The following ZBTB20 variants were observed in gnomAD, a reference collection of about 807,000 sequenced individuals.
The protein encoded by ZBTB20 is zinc finger and BTB domain containing 20, also known as zinc finger and BTB domain-containing protein 20.
A neutral mutation model predicts 56.9 loss-of-function variants in ZBTB20; 9 were observed. That is an observed-to-expected ratio of 0.16 (90% CI 0.10 to 0.28). The LOEUF (loss-of-function observed/expected upper bound fraction) is 0.28. ZBTB20 is among the 10% of genes least tolerant of loss of function. The probability of loss-of-function intolerance (pLI) is 1.00; values close to 1 mark genes in which losing one functional copy is unlikely to be tolerated. For missense variants in ZBTB20, 655 were observed against 1,003.0 expected (o/e 0.65, Z 4.69); for synonymous variants, 417 against 420.7 (o/e 0.99, Z 0.11).
intron 1 of ZBTB20, among the ~76,000 whole-genome samples, chr3:115,137,154 T>C (rs367570060): frequency 1.3e-5 from 2 of 152,040 alleles, no homozygotes; most frequent in East Asian, 1.9e-4. Flanking sequence ...AAAGAAAATA[T>C]CAGATATTCT....
chr3:114,389,749 C>T (rs970556287), intron 7 of ZBTB20, among the ~76,000 whole-genome samples: 30 of 151,570 alleles, frequency 2.0e-4, no homozygotes, highest in Admixed American at 1.3e-3. Context: ...ATTAGCCAGG[C>T]GTGATGGCGC....
chr3:114,611,374 C>G (rs538860307), intron 6 of ZBTB20, among the ~76,000 whole-genome samples: 149 of 152,226 alleles, frequency 9.8e-4, no homozygotes, highest in Middle Eastern at 3.4e-3. Flanking sequence ...AACTCACAAA[C>G]GGGAACACAG....
At chr3:114,608,146 TA>T (rs914798095) in intron 6 of ZBTB20, among the ~76,000 whole-genome samples, 39 of 152,172 alleles carry the variant, frequency 2.6e-4, no homozygotes, top group Admixed American at 2.2e-3. Context: ...AAGGATGCTT[TA>T]AAAAAACAAA....
intron 10 of ZBTB20, among the ~76,000 whole-genome samples, chr3:114,352,422 T>A (rs1029882399): frequency 1.3e-5 from 2 of 152,180 alleles, no homozygotes; most frequent in Non-Finnish European, 1.5e-5. Flanking sequence ...TCCTATTAAG[T>A]CATATGGCAT....
chr3:114,475,606 A>G (rs1016231704), intron 7 of ZBTB20, among the ~76,000 whole-genome samples: 3 of 152,230 alleles, frequency 2.0e-5, no homozygotes, highest in Non-Finnish European at 4.4e-5. Context: ...AGACTTGCAC[A>G]ACAGAAAGTA....
chr3:114,545,769 A>G (rs576775335), intron 6 of ZBTB20, among the ~76,000 whole-genome samples: 41 of 152,184 alleles, frequency 2.7e-4, no homozygotes, highest in Non-Finnish European at 4.9e-4. Context: ...AACCATCTTC[A>G]TAAAACAGTT....
chr3:114,642,212 G>A (rs924272583), intron 6 of ZBTB20, among the ~76,000 whole-genome samples: 3 of 151,830 alleles, frequency 2.0e-5, no homozygotes, highest in East Asian at 1.9e-4. Context: ...AATATCTCAG[G>A]GCTGAAAAAG....
chr3:114,581,116 A>T (rs952852157), intron 6 of ZBTB20, among the ~76,000 whole-genome samples: 1 of 152,034 alleles, frequency 6.6e-6, no homozygotes, highest in Non-Finnish European at 1.5e-5. Context: ...TCAAATAAAG[A>T]TCATATAAAC....
chr3:114,948,092 A>G (rs1350611389), intron 3 of ZBTB20, among the ~76,000 whole-genome samples: 1 of 146,052 alleles, frequency 6.8e-6, no homozygotes, highest in Non-Finnish European at 1.5e-5. Context: ...ATTCTCTATG[A>G]AAAGGATAAT....
At chr3:114,900,020 T>C (rs1221277028) in intron 4 of ZBTB20, among the ~76,000 whole-genome samples, 1 of 152,174 alleles carries the variant, frequency 6.6e-6, no homozygotes, top group Non-Finnish European at 1.5e-5. Context: ...CCGTTCACTT[T>C]AATAGTACAA....
At chr3:115,142,766 T>C (rs929248469) in intron 1 of ZBTB20, among the ~76,000 whole-genome samples, 4 of 152,134 alleles carry the variant, frequency 2.6e-5, no homozygotes, top group African/African-American at 9.7e-5. Context: ...GGCAAGTCCG[T>C]ATACAAATAG....
intron 6 of ZBTB20, among the ~76,000 whole-genome samples, chr3:114,645,933 A>G (rs118072113): frequency 6.6e-6 from 1 of 152,100 alleles, no homozygotes; most frequent in East Asian, 1.9e-4. Flanking sequence ...CATTGATGAA[A>G]CACAGCCCTC....
chr3:115,089,131 T>C (rs2083094632), intron 1 of ZBTB20, among the ~76,000 whole-genome samples: 1 of 151,782 alleles, frequency 6.6e-6, no homozygotes, highest in African/African-American at 2.4e-5. Flanking sequence ...GCTCAACAAA[T>C]GGAGGAACAG....
chr3:114,905,514 T>C (rs548643343), intron 3 of ZBTB20, among the ~76,000 whole-genome samples: 1 of 151,948 alleles, frequency 6.6e-6, no homozygotes, highest in South Asian at 2.1e-4. Context: ...CATCTGTAGT[T>C]TTTACTTAGC....
intron 5 of ZBTB20, among the ~76,000 whole-genome samples, chr3:114,788,392 A>G (rs1272823078): frequency 6.6e-6 from 1 of 152,064 alleles, no homozygotes; most frequent in African/African-American, 2.4e-5. Flanking sequence ...GGTAACCTCT[A>G]TTCTACTTTC....
chr3:114,337,257 A>G lies in ZBTB20; in HGVS notation c.*1748T>C, dbSNP rs1487699515. On this transcript the variant is annotated 3_prime_UTR_variant, in exon 12 of 12. Coordinates refer to ENST00000675478, the MANE Select transcript of ZBTB20 (RefSeq NM_001348800.3). ...AAAAAAGTAATTTTGGCATCAATGC[A>G]TCTTGATCTATAACAGGCTTCTCAT... is the stretch of plus-strand genomic sequence containing the variant. 2.0e-5 allele frequency: 3 copies of G among 152,270 alleles called. No homozygotes were observed. The highest frequency in any genetic ancestry group is 2.9e-5 in the Non-Finnish European group (2 of 68,060). The allele number at this position is 152,270 out of a possible 1,614,324, so 9.4% of individuals were successfully genotyped here.
At chr3:114,527,062 T>C (rs775802507) in intron 6 of ZBTB20, among the ~76,000 whole-genome samples, 4 of 152,180 alleles carry the variant, frequency 2.6e-5, no homozygotes, top group African/African-American at 9.7e-5. Context: ...AGCTGCTCTA[T>C]GAAAACGGCA....
At chr3:114,458,339 T>C (rs534899795) in intron 7 of ZBTB20, among the ~76,000 whole-genome samples, 38 of 152,354 alleles carry the variant, frequency 2.5e-4, no homozygotes, top group African/African-American at 8.7e-4. Context: ...AAGGTTTGCA[T>C]AATCATTTAG....
intron 4 of ZBTB20, among the ~76,000 whole-genome samples, chr3:114,834,023 T>C (rs2073994333): frequency 6.6e-6 from 1 of 152,140 alleles, no homozygotes. Context: ...CTAACTAATG[T>C]ACGTATTAGA....
Sources: allele counts gnomAD v4.1 joint callset (sites outside exome capture counted in the v4.1 genomes callset), GRCh38; gene constraint gnomAD v4.1.1; transcripts MANE v1.5; gene names NCBI Gene and HGNC (gene_info 2026-07-23, HGNC 2026-07-21).